Variants in TUSC3 observed in about 807,000 individuals in gnomAD.
TUSC3 encodes the protein tumor suppressor candidate 3.
In TUSC3, 45 loss-of-function variants were observed where a neutral mutation model predicts 44.8. The observed-to-expected ratio is 1.00, with a 90% CI of 0.79 to 1.29. The LOEUF (loss-of-function observed/expected upper bound fraction) is 1.29. Ranked by LOEUF, TUSC3 falls within the 50% of genes most tolerant of loss-of-function variation. The pLI is 0.00. For synonymous variants in TUSC3, 212 were observed against 152.9 expected (o/e 1.39, Z -2.85); for missense variants, 519 against 437.9 (o/e 1.19, Z -1.65).
chr8:15,785,670 A>G, the TUSC3 span, among the ~76,000 whole-genome samples: 30,886 of 151,960 alleles, frequency 0.2, 3,198 homozygotes, highest in African/African-American at 0.26. Context: ...TCCTACACAC[A>G]CACTGATTAT....
intron 6 of TUSC3, among the ~76,000 whole-genome samples, chr8:15,729,819 T>C (rs887162514): frequency 6.6e-6 from 1 of 151,720 alleles, no homozygotes; most frequent in Non-Finnish European, 1.5e-5. Context: ...ACATGCAATT[T>C]CCCATGTAAC....
At chr8:15,422,223 G>T (rs1468586256) in intron 1 of TUSC3, among the ~76,000 whole-genome samples, 1 of 152,150 alleles carries the variant, frequency 6.6e-6, no homozygotes, top group Admixed American at 6.5e-5. Flanking sequence ...TACTATTCTT[G>T]TGTGAGTTTA....
At chr8:15,700,663 G>T (rs1238996374) in intron 6 of TUSC3, among the ~76,000 whole-genome samples, 1 of 152,008 alleles carries the variant, frequency 6.6e-6, no homozygotes, top group African/African-American at 2.4e-5. Context: ...GACCTTGAAA[G>T]CTTTGTGGTA....
intron 1 of TUSC3, among the ~76,000 whole-genome samples, chr8:15,549,566 A>G (rs1801985576): frequency 6.6e-6 from 1 of 151,732 alleles, no homozygotes; most frequent in Non-Finnish European, 1.5e-5. Context: ...AGAGTCATTT[A>G]ACTTTTATTT....
intron 2 of TUSC3, among the ~76,000 whole-genome samples, chr8:15,495,881 A>G (rs1318118264): frequency 6.6e-6 from 1 of 152,020 alleles, no homozygotes; most frequent in African/African-American, 2.4e-5. Context: ...CTTGTTTACT[A>G]CTCATTTATT....
chr8:15,601,097 G>T lies in TUSC3; in HGVS notation c.139-21983G>T, dbSNP rs572280559. On this transcript the variant is annotated intron_variant, in intron 1 of 10. Coordinates refer to ENST00000503731, the MANE Select transcript of TUSC3 (RefSeq NM_006765.4). ...GAATTAACTTTGTTAAAGGTCAGCA[G>T]ATTTGTTACAGTATCCATAGGTAGC... Among the ~76,000 whole-genome samples, 3 of 151,858 alleles carry T rather than the reference G, an allele frequency of 2.0e-5. No individual in the cohort carries two copies. The South Asian group carries it at 6.2e-4, about 32-fold the overall frequency.
chr8:15,711,463 CGTGTGTGTGTGTGTGT>C (rs36058270), intron 6 of TUSC3, among the ~76,000 whole-genome samples: 2 of 144,908 alleles, frequency 1.4e-5, no homozygotes, highest in East Asian at 2.0e-4. Flanking sequence ...CAAAAAGGTA[CGTGTGTGTGTGTGTGT>C]GTGTGTGTGT....
chr8:15,494,646 A>G (rs947167803), intron 2 of TUSC3, among the ~76,000 whole-genome samples: 3 of 152,156 alleles, frequency 2.0e-5, no homozygotes, highest in Non-Finnish European at 4.4e-5. Context: ...TTTCCAGCAC[A>G]CTAACCACCT....
chr8:15,725,616 T>C (rs1161802576), intron 6 of TUSC3, among the ~76,000 whole-genome samples: 2 of 151,998 alleles, frequency 1.3e-5, no homozygotes, highest in Non-Finnish European at 1.5e-5. Context: ...ATGATGATGA[T>C]GATGATGATG....
rs1026456317 is a variant in TUSC3, at chr8:15,764,429, A to T, written c.*273A>T. 7.7e-6 allele frequency: 4 copies of T among 516,176 alleles called. No individual in the cohort carries two copies. The highest frequency in any genetic ancestry group is 3.3e-5 in the Admixed American group (1 of 29,990). The allele number at this position is 516,176 out of a possible 1,614,324, so 32.0% of individuals were successfully genotyped here. On this transcript the variant is annotated 3_prime_UTR_variant, in exon 11 of 11. Coordinates refer to ENST00000503731, the MANE Select transcript of TUSC3 (RefSeq NM_006765.4). ...AAAGGAAATATCAAAGTGTTTTTCAAGCCTGTTATATTCAGTGTGTGCCAC... is the reference window on the plus strand; with the variant it reads ...AAAGGAAATATCAAAGTGTTTTTCATGCCTGTTATATTCAGTGTGTGCCAC...
At chr8:15,525,845 G>A (rs571455954) in intron 2 of TUSC3, among the ~76,000 whole-genome samples, 2 of 152,206 alleles carry the variant, frequency 1.3e-5, no homozygotes, top group African/African-American at 2.4e-5. Context: ...GAGCCTGATC[G>A]GTTAGGCCGT....
At chr8:15,680,867 T>C (rs1808398148) in intron 6 of TUSC3, among the ~76,000 whole-genome samples, 1 of 152,186 alleles carries the variant, frequency 6.6e-6, no homozygotes, top group Non-Finnish European at 1.5e-5. Context: ...ATTATGTTTA[T>C]GTGGTGTATT....
chr8:15,549,224 G>C (rs751397427), intron 1 of TUSC3, among the ~76,000 whole-genome samples: 26 of 151,584 alleles, frequency 1.7e-4, no homozygotes, highest in Admixed American at 4.0e-4. Flanking sequence ...GCCCAGGCTG[G>C]AGTGCAGTGG....
rs1259033346 is a variant in TUSC3, at chr8:15,743,387, T to C, written c.863-151T>C. ...TTAAGGCATATTTGCTCACAAAGAA[T>C]GGTAATTTTATGTTATATAAAGGTA... On this transcript the variant is annotated intron_variant, in intron 7 of 10. Transcript: ENST00000503731. 5 of 783,216 alleles carry C rather than the reference T, an allele frequency of 6.4e-6. No homozygotes were observed. The African/African-American group carries it at 6.9e-5, about 11-fold the overall frequency. 48.5% of individuals were successfully genotyped at this position (783,216 alleles called of 1,614,324 possible). A position where few individuals can be genotyped will look rare whatever the true frequency, so the allele number is the denominator to read the frequency against.
At chr8:15,492,806 T>C (rs1288411683) in intron 2 of TUSC3, among the ~76,000 whole-genome samples, 9 of 151,834 alleles carry the variant, frequency 5.9e-5, no homozygotes, top group Non-Finnish European at 1.3e-4. Flanking sequence ...TGTAATAATA[T>C]GTCATTTAAC....
chr8:15,708,559 A>G (rs567229834), intron 6 of TUSC3, among the ~76,000 whole-genome samples: 57 of 152,098 alleles, frequency 3.7e-4, no homozygotes, highest in Non-Finnish European at 3.4e-4. Context: ...CAGTGTATAG[A>G]GAGGGTTGAA....
At chr8:15,822,670 G>T in the TUSC3 span, among the ~76,000 whole-genome samples, 1 of 152,104 alleles carries the variant, frequency 6.6e-6, no homozygotes, top group African/African-American at 2.4e-5. Context: ...AAAAGATAAG[G>T]AACCAGCAAA....
rs149219036 is a variant in TUSC3, at chr8:15,519,897, A to G, written n.189+36414A>G. 3.9e-5 allele frequency among the ~76,000 whole-genome samples: 6 copies of G among 152,324 alleles called. No homozygotes were observed. In the East Asian group the frequency reaches 1.2e-3, roughly 29 times the overall value. ...GTTCATATGGAATAATAGTCTTGCC[A>G]TATTGTCATAGCTACTATAACTCTC... On this transcript the variant is annotated intron_variant and non_coding_transcript_variant, in intron 2 of 5. Coordinates refer to the TUSC3 transcript ENST00000503191.
chr8:15,687,033 ACTG>A (rs1234400521), intron 6 of TUSC3, among the ~76,000 whole-genome samples: 8 of 152,184 alleles, frequency 5.3e-5, no homozygotes, highest in African/African-American at 1.9e-4. Context: ...AGATCGTGCC[ACTG>A]CACTGCAGCC....
Sources: gnomAD v4.1 joint callset for allele counts (sites outside exome capture counted in the v4.1 genomes callset) on GRCh38, gnomAD v4.1.1 for gene constraint, MANE v1.5 for transcripts, NCBI Gene and HGNC (gene_info 2026-07-23, HGNC 2026-07-21) for gene names.